Variants in CTNNA3 observed in about 807,000 individuals in gnomAD.
The protein encoded by CTNNA3 is catenin alpha-3.
A neutral mutation model predicts 95.7 loss-of-function variants in CTNNA3; 76 were observed. That is an observed-to-expected ratio of 0.79 (90% CI 0.66 to 0.96). The LOEUF (loss-of-function observed/expected upper bound fraction) is 0.96. Ranked by LOEUF, CTNNA3 falls within the 40% of genes least tolerant of loss-of-function variation. The probability of loss-of-function intolerance (pLI) is 0.00; values close to 1 mark genes in which losing one functional copy is unlikely to be tolerated. For missense variants in CTNNA3, 1,191 were observed against 1,089.8 expected, an observed-to-expected ratio of 1.09 and a Z score of -1.31; for synonymous variants, 431 against 374.4, an observed-to-expected ratio of 1.15 and a Z score of -1.74.
At chr10:67,573,137 T>C (rs1471165535) in intron 3 of CTNNA3, among the ~76,000 whole-genome samples, 2 of 152,118 alleles carry the variant, frequency 1.3e-5, no homozygotes, top group Non-Finnish European at 2.9e-5. Flanking sequence ...GCTGCTCTCC[T>C]ACGCCTTTTA....
rs983337665 is a variant in CTNNA3 at position 67,071,806 on chromosome 10, T to A, written c.1047+108511A>T. On this transcript the variant is annotated intron_variant, in intron 7 of 17. Coordinates refer to ENST00000433211, the MANE Select transcript of CTNNA3 (RefSeq NM_013266.4). Reference sequence around the variant, plus strand: ...ACACAATATCTAATTTTTCCCTTTTTCTTTCTATGCTTTGAGTATTTTTTC... The same window carrying A: ...ACACAATATCTAATTTTTCCCTTTTACTTTCTATGCTTTGAGTATTTTTTC... Among the ~76,000 whole-genome samples the A allele has an allele frequency of 1.4e-4, 21 of 152,206 alleles. 1 individual carries two copies. The highest frequency in any genetic ancestry group is 5.1e-4 in the African/African-American group (21 of 41,446).
chr10:67,448,162 G>A (rs547844582), intron 5 of CTNNA3, among the ~76,000 whole-genome samples: 1 of 152,242 alleles, frequency 6.6e-6, no homozygotes, highest in East Asian at 1.9e-4. Flanking sequence ...GATTCGTATG[G>A]TCTTACCTCA....
At chr10:66,808,915 A>G (rs1841765265) in intron 7 of CTNNA3, among the ~76,000 whole-genome samples, 1 of 152,202 alleles carries the variant, frequency 6.6e-6, no homozygotes, top group African/African-American at 2.4e-5. Flanking sequence ...TGAATCTTCA[A>G]GTGTATATTT....
At chr10:67,141,597 T>C (rs964174979) in intron 7 of CTNNA3, among the ~76,000 whole-genome samples, 3 of 152,114 alleles carry the variant, frequency 2.0e-5, no homozygotes, top group Non-Finnish European at 2.9e-5. Flanking sequence ...AGAGTAGCCA[T>C]AGTGAGGGCC....
intron 16 of CTNNA3, among the ~76,000 whole-genome samples, chr10:65,979,163 C>T (rs2078268709): frequency 6.6e-6 from 1 of 152,076 alleles, no homozygotes; most frequent in African/African-American, 2.4e-5. Context: ...AGAATTGTTT[C>T]AAATTCCTTT....
intron 10 of CTNNA3, among the ~76,000 whole-genome samples, chr10:66,597,857 C>T (rs943709569): frequency 6.6e-6 from 1 of 151,752 alleles, no homozygotes; most frequent in Non-Finnish European, 1.5e-5. Context: ...TTAGACCTAC[C>T]TTACAAGAAA....
At chr10:67,235,084 C>T (rs557129953) in intron 5 of CTNNA3, among the ~76,000 whole-genome samples, 1 of 151,748 alleles carries the variant, frequency 6.6e-6, no homozygotes, top group African/African-American at 2.4e-5. Context: ...AATGGCCATA[C>T]TGCCCAAGGT....
intron 13 of CTNNA3, among the ~76,000 whole-genome samples, chr10:66,238,267 C>G (rs754925538): frequency 1.3e-5 from 2 of 151,866 alleles, no homozygotes; most frequent in Non-Finnish European, 2.9e-5. Context: ...TTAAATAACT[C>G]AAGTCTGAAA....
chr10:66,444,753 G>A (rs776365918), intron 11 of CTNNA3, among the ~76,000 whole-genome samples: 6 of 152,160 alleles, frequency 3.9e-5, no homozygotes, highest in Admixed American at 6.5e-5. Context: ...AGGCTAGGAA[G>A]AAACTGCATC....
At chr10:66,554,018 AT>A (rs1159396811) in intron 10 of CTNNA3, among the ~76,000 whole-genome samples, 5 of 151,258 alleles carry the variant, frequency 3.3e-5, no homozygotes, top group South Asian at 2.1e-4. Flanking sequence ...GTTACTCCTC[AT>A]TTTTTTCCCA....
chr10:67,372,237 T>C lies in CTNNA3; in HGVS notation c.579+149605A>G, dbSNP rs894246567. Among the ~76,000 whole-genome samples the C allele has an allele frequency of 2.4e-4, 37 of 152,344 alleles. No homozygotes were observed. In the East Asian group the frequency reaches 5.8e-3, roughly 24 times the overall value. Reference sequence around the variant, plus strand: ...GCAGAAGCTCTTGAGTTTAATTAGATCCCATTTGTCAATTTTGGCTTTTGT... The same window carrying C: ...GCAGAAGCTCTTGAGTTTAATTAGACCCCATTTGTCAATTTTGGCTTTTGT... On this transcript the variant is annotated intron_variant, in intron 5 of 17. Coordinates refer to ENST00000433211, the MANE Select transcript of CTNNA3 (RefSeq NM_013266.4).
chr10:66,714,216 C>T (rs1177635584), intron 9 of CTNNA3, among the ~76,000 whole-genome samples: 2 of 152,078 alleles, frequency 1.3e-5, no homozygotes, highest in Non-Finnish European at 2.9e-5. Context: ...AAGTAAATAA[C>T]TTTCCCTCTT....
intron 12 of CTNNA3, among the ~76,000 whole-genome samples, chr10:66,291,773 T>C (rs1352700736): frequency 6.6e-6 from 1 of 151,556 alleles, no homozygotes. Context: ...TCTGTATATA[T>C]GTATGTGTAT....
At chr10:65,949,885 A>G (rs1298390921) in intron 17 of CTNNA3, among the ~76,000 whole-genome samples, 1 of 152,058 alleles carries the variant, frequency 6.6e-6, no homozygotes, top group African/African-American at 2.4e-5. Flanking sequence ...AAAATGGGCA[A>G]CCAGGTAAAG....
chr10:66,757,334 C>T (rs1839403289), intron 9 of CTNNA3, among the ~76,000 whole-genome samples: 1 of 152,050 alleles, frequency 6.6e-6, no homozygotes, highest in Non-Finnish European at 1.5e-5. Context: ...CCCTTCGAGT[C>T]TATACTTCTA....
chr10:67,347,267 T>C (rs896344058), intron 5 of CTNNA3, among the ~76,000 whole-genome samples: 1 of 152,062 alleles, frequency 6.6e-6, no homozygotes, highest in Non-Finnish European at 1.5e-5. Context: ...TTTCACCATG[T>C]TGCCCAGGCT....
At chr10:66,300,425 C>G (rs960656217) in intron 12 of CTNNA3, among the ~76,000 whole-genome samples, 1 of 151,846 alleles carries the variant, frequency 6.6e-6, no homozygotes, top group Non-Finnish European at 1.5e-5. Flanking sequence ...TAAACTGGAC[C>G]TGGTAACTCA....
At chr10:65,987,877 AT>A (rs2078459908) in intron 16 of CTNNA3, among the ~76,000 whole-genome samples, 1 of 152,134 alleles carries the variant, frequency 6.6e-6, no homozygotes, top group South Asian at 2.1e-4. Flanking sequence ...AAATCCTGTC[AT>A]TTGTGGCAAC....
intron 7 of CTNNA3, among the ~76,000 whole-genome samples, chr10:66,900,625 C>A (rs1178545519): frequency 6.6e-6 from 1 of 151,900 alleles, no homozygotes; most frequent in Non-Finnish European, 1.5e-5. Context: ...GAAAAAAAAC[C>A]TTGAAAAAAG....
Sources: allele counts gnomAD v4.1 joint callset (sites outside exome capture counted in the v4.1 genomes callset), GRCh38; gene constraint gnomAD v4.1.1; transcripts MANE v1.5; gene names NCBI Gene and HGNC (gene_info 2026-07-23, HGNC 2026-07-21).